The following SH2D4A variants were observed in gnomAD, a reference collection of about 807,000 sequenced individuals.
SH2D4A encodes the protein SH2 domain containing 4A, also known as SH2 domain-containing protein 4A.
In SH2D4A, 70 loss-of-function variants were observed where a neutral mutation model predicts 64.7. That is an observed-to-expected ratio of 1.08 (90% confidence interval 0.89 to 1.32). The LOEUF (loss-of-function observed/expected upper bound fraction) is 1.32, where lower values mean the gene tolerates loss of function less well. Ranked by LOEUF, SH2D4A falls within the 40% of genes most tolerant of loss-of-function variation. SH2D4A has a pLI of 0.00. For missense variants in SH2D4A, 706 were observed against 540.1 expected (o/e 1.31, Z -3.04); for synonymous variants, 268 against 200.7 (o/e 1.34, Z -2.83).
chr8:19,342,700 G>GC (rs1374995401), intron 4 of SH2D4A, among the ~76,000 whole-genome samples: 3 of 152,112 alleles, frequency 2.0e-5, no homozygotes, highest in African/African-American at 7.2e-5. Context: ...CTTATTATCT[G>GC]CCCCCGGGAA....
intron 8 of SH2D4A, among the ~76,000 whole-genome samples, chr8:19,380,997 G>T (rs1194723568): frequency 6.6e-6 from 1 of 151,514 alleles, no homozygotes; most frequent in African/African-American, 2.4e-5. Context: ...AGGAACATGG[G>T]ATGTGTTTTT....
intron 4 of SH2D4A, among the ~76,000 whole-genome samples, chr8:19,356,931 C>A (rs1003245938): frequency 1.3e-5 from 2 of 152,216 alleles, no homozygotes; most frequent in East Asian, 1.9e-4. Flanking sequence ...CCAGGGCCAA[C>A]TAAATGGGAG....
intron 7 of SH2D4A, among the ~76,000 whole-genome samples, chr8:19,372,457 G>T (rs2053119143): frequency 6.6e-6 from 1 of 152,176 alleles, no homozygotes; most frequent in Non-Finnish European, 1.5e-5. Flanking sequence ...TGCAGGGAAT[G>T]GATACTTCCT....
chr8:19,386,954 T>C (rs991281176), intron 8 of SH2D4A, among the ~76,000 whole-genome samples: 1 of 151,972 alleles, frequency 6.6e-6, no homozygotes, highest in African/African-American at 2.4e-5. Flanking sequence ...TGATACTTTT[T>C]GTTGTTCTTT....
intron 8 of SH2D4A, among the ~76,000 whole-genome samples, chr8:19,386,733 T>C (rs546247994): frequency 7.2e-5 from 11 of 152,336 alleles, no homozygotes; most frequent in African/African-American, 2.6e-4. Context: ...TACTGTTTAA[T>C]TTAGTATTTT....
rs1438167843 is a variant in SH2D4A at position 19,375,742 on chromosome 8, T to C, written c.1048+2082T>C. 3 of 152,244 alleles carry C rather than the reference T, an allele frequency of 2.0e-5. No homozygotes were observed. In the South Asian group the frequency reaches 6.2e-4, roughly 32 times the overall value. 9.4% of individuals were successfully genotyped at this position (152,244 alleles called of 1,614,324 possible). On this transcript the variant is annotated intron_variant, in intron 8 of 9. Transcript: ENST00000265807. ...AAGTGCCAAAAGAGTAAATTTCTAA[T>C]GTTCTCACCAGAAAAAAAATGCTAA...
At chr8:19,333,465 G>C (rs1278102351) in intron 3 of SH2D4A, among the ~76,000 whole-genome samples, 3 of 152,124 alleles carry the variant, frequency 2.0e-5, no homozygotes, top group African/African-American at 2.4e-5. Context: ...GGCTGCACTA[G>C]AGTCATGTTA....
chr8:19,355,006 G>C (rs1159181970), intron 4 of SH2D4A, among the ~76,000 whole-genome samples: 1 of 152,190 alleles, frequency 6.6e-6, no homozygotes, highest in Non-Finnish European at 1.5e-5. Flanking sequence ...TTCTATTTTA[G>C]ATGTAGAGCA....
At chr8:19,368,067 T>C (rs28838084) in intron 7 of SH2D4A, among the ~76,000 whole-genome samples, 4,984 of 152,286 alleles carry the variant, frequency 0.033, 288 homozygotes, top group African/African-American at 0.11. Flanking sequence ...GTTTCATTCT[T>C]ATACATGTCA....
intron 7 of SH2D4A, among the ~76,000 whole-genome samples, chr8:19,369,087 T>C (rs977496152): frequency 1.3e-5 from 2 of 152,148 alleles, no homozygotes; most frequent in Admixed American, 6.6e-5. Flanking sequence ...GTTGAGATGA[T>C]CTTGTGGTCT....
At chr8:19,374,449 C>T (rs1372921815) in intron 8 of SH2D4A, among the ~76,000 whole-genome samples, 1 of 152,136 alleles carries the variant, frequency 6.6e-6, no homozygotes, top group Non-Finnish European at 1.5e-5. Flanking sequence ...CAGTCCCCTC[C>T]CAGAGTATGT....
At chr8:19,371,228 A>AT (rs896866253) in intron 7 of SH2D4A, among the ~76,000 whole-genome samples, 1 of 152,108 alleles carries the variant, frequency 6.6e-6, no homozygotes, top group African/African-American at 2.4e-5. Flanking sequence ...TTGAAGAACT[A>AT]TTTTTTAGCA....
At chr8:19,328,052 G>T (rs1159013050) in intron 2 of SH2D4A, among the ~76,000 whole-genome samples, 1 of 152,138 alleles carries the variant, frequency 6.6e-6, no homozygotes, top group African/African-American at 2.4e-5. Context: ...GTTATTTGGG[G>T]CATCAGAATC....
In SH2D4A at chr8:19,323,978, A is replaced by G. The variant is rs77888350; in HGVS notation, c.181+4250A>G. ...TAGATCCTGGGTCTCATTCTCCCAA[A>G]GCCAGCACTGTAAACAAATAAACTA... On this transcript the variant is annotated intron_variant, in intron 2 of 9. Coordinates refer to ENST00000265807, the MANE Select transcript of SH2D4A (RefSeq NM_022071.4). 7.4e-3 allele frequency among the ~76,000 whole-genome samples: 1,133 copies of G among 152,322 alleles called. 10 individuals are homozygous for G. The highest frequency in any genetic ancestry group is 0.026 in the African/African-American group (1,083 of 41,576).
rs2052415980 is a variant in SH2D4A, at chr8:19,334,682, T to C, written c.342-4T>C. The stretch of plus-strand genomic sequence containing the variant: ...TTGAGAATTTCACTTTTGCCTCTCT[T>C]CAGAAAAACTCACTCTGAAGAATTC... On this transcript the variant is annotated splice_polypyrimidine_tract_variant and splice_region_variant and intron_variant, in intron 3 of 9. Transcript: ENST00000265807. The C allele has an allele frequency of 2.5e-6, 4 of 1,588,934 alleles. No homozygotes were observed. The highest frequency in any genetic ancestry group is 3.4e-6 in the Non-Finnish European group (4 of 1,171,026).
chr8:19,316,262 C>G (rs1345454912), intron 1 of SH2D4A, among the ~76,000 whole-genome samples: 1 of 152,170 alleles, frequency 6.6e-6, no homozygotes, highest in Non-Finnish European at 1.5e-5. Flanking sequence ...TCAAGATGAA[C>G]TAGTTAATTT....
At chr8:19,353,992 ATTTTT>A (rs56334713) in intron 4 of SH2D4A, among the ~76,000 whole-genome samples, 17 of 133,612 alleles carry the variant, frequency 1.3e-4, no homozygotes, top group Middle Eastern at 3.7e-3. Context: ...TTTTCAACTA[ATTTTT>A]TTTTTTTTTT....
At chr8:19,383,255 G>T (rs1171489513) in intron 8 of SH2D4A, among the ~76,000 whole-genome samples, 2 of 151,978 alleles carry the variant, frequency 1.3e-5, no homozygotes, top group African/African-American at 2.4e-5. Context: ...TGTTCTTTCT[G>T]TTCCTCAAAC....
At chr8:19,377,734 T>C (rs546969928) in intron 8 of SH2D4A, among the ~76,000 whole-genome samples, 1 of 152,252 alleles carries the variant, frequency 6.6e-6, no homozygotes, top group African/African-American at 2.4e-5. Context: ...CTCCTACATT[T>C]GCTATAACTT....
Sources: gnomAD v4.1 joint callset for allele counts (sites outside exome capture counted in the v4.1 genomes callset) on GRCh38, gnomAD v4.1.1 for gene constraint, MANE v1.5 for transcripts, NCBI Gene and HGNC (gene_info 2026-07-23, HGNC 2026-07-21) for gene names.